LXN: variants seen among roughly 807,000 people sequenced by gnomAD.
LXN encodes MUM.
A neutral mutation model predicts 29.8 loss-of-function variants in LXN; 28 were observed. The ratio of observed to expected loss-of-function variants is 0.94; its 90% CI spans 0.70 to 1.29. The LOEUF is 1.29. LXN is among the 50% of genes most tolerant of loss of function. The pLI, the probability that LXN is intolerant of heterozygous loss-of-function variation, is 0.00. For missense variants in LXN, 227 were observed against 261.7 expected, an observed-to-expected ratio of 0.87 and a Z score of 0.92; for synonymous variants, 77 against 89.6, an observed-to-expected ratio of 0.86 and a Z score of 0.80.
chr3:158,672,629 G>A lies in LXN; in HGVS notation c.-151C>T, dbSNP rs1724462705. 3.4e-6 allele frequency: 3 copies of A among 889,824 alleles called. No homozygotes were observed. Among genetic ancestry groups the A allele is most frequent in the Non-Finnish European group, 5.0e-6 (3 of 601,616 alleles). 55.1% of individuals were successfully genotyped at this position (889,824 alleles called of 1,614,324 possible). On this transcript the variant is annotated 5_prime_UTR_variant, in exon 1 of 6. Coordinates refer to ENST00000264265, the MANE Select transcript of LXN (RefSeq NM_020169.4). ...TCAGTCTTCTTCCTCAGCTCCTTCC[G>A]ACTCCGGAAGCTGCTGTTTGGGCCC...
chr3:158,670,634 A>G (rs1724195276), intron 2 of LXN, among the ~76,000 whole-genome samples: 1 of 152,264 alleles, frequency 6.6e-6, no homozygotes, highest in Non-Finnish European at 1.5e-5. Flanking sequence ...AAAAAGAGGT[A>G]AAACTAATCA....
rs1392671675 is a variant in LXN, at chr3:158,669,610, G to C, written c.193C>G (p.Gln65Glu). Residue 65 changes from glutamine to glutamate, a missense_variant and splice_region_variant, in exon 3 of 6, where the codon CAA becomes GAA. By Grantham distance (29) the Gln-to-Glu change is conservative. Coordinates refer to ENST00000264265, the MANE Select transcript of LXN (RefSeq NM_020169.4). ...TCAGCTGTGCAGTTCACCTTAACTTGCTGTTTGAAATTTAGCAAAATATCC... is the reference window on the plus strand; with the variant it reads ...TCAGCTGTGCAGTTCACCTTAACTTCCTGTTTGAAATTTAGCAAAATATCC... The part of the protein sequence containing the change: ...KFAVEEIIQK[Q>E]VKVNCTAEVL... 14 of 1,612,804 alleles carry C rather than the reference G, an allele frequency of 8.7e-6. No homozygotes were observed. The South Asian group carries it at 1.5e-4, about 18-fold the overall frequency.
At position 158,667,172 on chromosome 3, in the gene LXN, A is replaced by G. The variant is rs1406481416; in HGVS notation, c.508-98T>C. On this transcript the variant is annotated intron_variant, in intron 4 of 5. Transcript: ENST00000264265. ...TCATCTTTGATTAGATGAATATAAT[A>G]TTTCCATTTAGGTAAAAATAAAAAT... 3.2e-6 allele frequency: 4 copies of G among 1,248,706 alleles called. No individual in the cohort carries two copies. In the African/African-American group the frequency reaches 6.3e-5, roughly 20 times the overall value. 77.4% of individuals were successfully genotyped at this position (1,248,706 alleles called of 1,614,324 possible).
intron 1 of LXN, among the ~76,000 whole-genome samples, chr3:158,671,729 G>A (rs1449229074): frequency 6.6e-6 from 1 of 152,154 alleles, no homozygotes; most frequent in Non-Finnish European, 1.5e-5. Context: ...AACAAACCTC[G>A]TTAGTGATTG....
intron 2 of LXN, 149 bp from the exon 3 acceptor site, chr3:158,669,759 G>A: frequency 2.8e-6 from 2 of 704,340 alleles, no homozygotes; most frequent in Non-Finnish European, 4.7e-6. Context: ...ATCTAATTGG[G>A]CCTGGCCTAT....
intron 3 of LXN, 134 bp from the exon 4 acceptor site, chr3:158,669,266 T>A (rs936213950): frequency 3.3e-6 from 4 of 1,225,204 alleles, no homozygotes; most frequent in Non-Finnish European, 4.5e-6. Flanking sequence ...TATGGATCTA[T>A]AAAATTTCTG....
chr3:158,672,524 G>A lies in LXN; in HGVS notation c.-46C>T, dbSNP rs1724441370. The stretch of plus-strand genomic sequence containing the variant: ...AGGGCTTGGGCTACTCTGGCTTAAC[G>A]GGACCAGTAGCAGAGCGCCGCCCGT... On this transcript the variant is annotated 5_prime_UTR_variant, in exon 1 of 6. Transcript: ENST00000264265. The A allele has an allele frequency of 6.2e-7, 1 of 1,609,440 alleles. No homozygotes were observed. Among genetic ancestry groups the A allele is most frequent in the Admixed American group, 1.7e-5 (1 of 59,860 alleles).
chr3:158,667,185 TAA>T, intron 4 of LXN, 111 bp from the exon 5 acceptor site: 1 of 1,151,802 alleles, frequency 8.7e-7, no homozygotes, highest in Non-Finnish European at 1.2e-6. Context: ...TCCATTTAGG[TAA>T]AAATAAAAAT....
chr3:158,668,290 C>G (rs1358740280), intron 4 of LXN, among the ~76,000 whole-genome samples: 12 of 152,086 alleles, frequency 7.9e-5, no homozygotes, highest in African/African-American at 2.9e-4. Flanking sequence ...CAAATACAAT[C>G]TAAATGTTAT....
In LXN at chr3:158,672,505, T is replaced by G; in HGVS notation, c.-27A>C. 2 of 1,612,802 alleles carry G rather than the reference T, an allele frequency of 1.2e-6. No individual in the cohort carries two copies. Among genetic ancestry groups the G allele is most frequent in the African/African-American group, 2.7e-5 (2 of 74,994 alleles). On this transcript the variant is annotated 5_prime_UTR_variant, in exon 1 of 6. Transcript: ENST00000264265. ...CCGGATGAGCAGTGACTTCAGGGCTTGGGCTACTCTGGCTTAACGGGACCA... is the reference window on the plus strand; with the variant it reads ...CCGGATGAGCAGTGACTTCAGGGCTGGGGCTACTCTGGCTTAACGGGACCA...
At chr3:158,667,959 G>A (rs1723874314) in intron 4 of LXN, among the ~76,000 whole-genome samples, 1 of 152,190 alleles carries the variant, frequency 6.6e-6, no homozygotes, top group South Asian at 2.1e-4. Context: ...AACTTAGATT[G>A]CTAAGGGAAA....
At position 158,666,604 on chromosome 3, in the gene LXN, C is replaced by T; in HGVS notation, c.*42G>A. On this transcript the variant is annotated 3_prime_UTR_variant, in exon 6 of 6. Coordinates refer to ENST00000264265, the MANE Select transcript of LXN (RefSeq NM_020169.4). ...TAGATGCCAGTGAAATTGGCATACA[C>T]ATCAATAGACATGTTTACACTTCCA... The T allele has an allele frequency of 4.6e-6, 7 of 1,535,090 alleles. No individual in the cohort carries two copies. Among genetic ancestry groups the T allele is most frequent in the Non-Finnish European group, 6.3e-6 (7 of 1,109,386 alleles).
intron 1 of LXN, 113 bp downstream of exon 1, chr3:158,672,237 A>G: frequency 3.0e-6 from 4 of 1,338,756 alleles, no homozygotes; most frequent in Non-Finnish European, 4.1e-6. Context: ...CCTAAAACAG[A>G]AGGTGGGTAG....
At chr3:158,669,668 C>A in intron 2 of LXN, 58 bp from the exon 3 acceptor site, 1 of 1,477,342 alleles carries the variant, frequency 6.8e-7, no homozygotes, top group South Asian at 1.2e-5. Context: ...TATTAATTAT[C>A]ATCTTTGAGA....
At position 158,672,593 on chromosome 3, in the gene LXN, A is replaced by T; in HGVS notation, c.-115T>A. The T allele has an allele frequency of 7.7e-7, 1 of 1,295,534 alleles. No individual in the cohort carries two copies. Among genetic ancestry groups the T allele is most frequent in the Non-Finnish European group, 1.1e-6 (1 of 927,076 alleles). 80.3% of individuals were successfully genotyped at this position (1,295,534 alleles called of 1,614,324 possible). On this transcript the variant is annotated 5_prime_UTR_variant, in exon 1 of 6. The change creates a new upstream start codon in the 5' untranslated region. Coordinates refer to ENST00000264265, the MANE Select transcript of LXN (RefSeq NM_020169.4). ...CGGTTGCCGAGGCGGAAAAGTCGCAAGCTCCTTCAGTCAGTCTTCTTCCTC... is the reference window on the plus strand; with the variant it reads ...CGGTTGCCGAGGCGGAAAAGTCGCATGCTCCTTCAGTCAGTCTTCTTCCTC...
Position 158,666,609 on chromosome 3 carries a change from AT to A in LXN, c.*36del. 1 of 1,560,908 alleles carries A rather than the reference AT, an allele frequency of 6.4e-7. No individual in the cohort carries two copies. The highest frequency in any genetic ancestry group is 1.4e-5 in the African/African-American group (1 of 73,768). The stretch of plus-strand genomic sequence containing the variant: ...GCCAGTGAAATTGGCATACACATCA[AT>A]AGACATGTTTACACTTCCAGTGTTA... On this transcript the variant is annotated 3_prime_UTR_variant, in exon 6 of 6. Transcript: ENST00000264265.
In LXN at chr3:158,669,469, A is replaced by G. The variant is rs769580776; in HGVS notation, c.334T>C (p.Ser112Pro). 5 of 1,613,856 alleles carry G rather than the reference A, an allele frequency of 3.1e-6. No individual in the cohort carries two copies. In the East Asian group the frequency reaches 1.1e-4, roughly 36 times the overall value. ...TGTGCTTCTAGCGGTTCCTTCATGG[A>G]CTTAAGTCTTTGATAAAATGTGTTG... ...EDNTFYQRLK[S>P]MKEPLEAQNI... Residue 112 changes from serine to proline, a missense_variant, in exon 3 of 6, where the codon TCC (serine) becomes CCC (proline). Transcript: ENST00000264265.
chr3:158,667,151 C>T (rs1723786855), intron 4 of LXN, 77 bp from the exon 5 acceptor site: 4 of 1,376,834 alleles, frequency 2.9e-6, no homozygotes, highest in Non-Finnish European at 3.9e-6. Context: ...TGAAAATCAT[C>T]TTTGATTAGA....
At chr3:158,669,652 A>G (rs766448706) in intron 2 of LXN, 42 bp from the exon 3 acceptor site, 11 of 1,534,074 alleles carry the variant, frequency 7.2e-6, no homozygotes, top group Non-Finnish European at 4.5e-6. Flanking sequence ...ACAGAAGGCT[A>G]TTCATTATTA....
Sources: allele counts gnomAD v4.1 joint callset (sites outside exome capture counted in the v4.1 genomes callset), GRCh38; gene constraint gnomAD v4.1.1; transcripts MANE v1.5; gene names NCBI Gene and HGNC (gene_info 2026-07-23, HGNC 2026-07-21).